FAF1: variants seen among roughly 807,000 people sequenced by gnomAD.
The protein encoded by FAF1 is Fas associated factor 1.
FAF1 carries 25 observed loss-of-function variants against 92.5 expected under a neutral mutation model. The observed-to-expected ratio is 0.27, with a 90% CI of 0.20 to 0.38. FAF1 has a LOEUF of 0.38. FAF1 is among the 10% of genes least tolerant of loss of function. FAF1 has a pLI of 1.00. For synonymous variants in FAF1, 234 were observed against 273.2 expected (o/e 0.86, Z 1.42); for missense variants, 636 against 793.3 (o/e 0.80, Z 2.38).
chr1:50,819,845 C>A (rs1328233182), intron 2 of FAF1, among the ~76,000 whole-genome samples: 5 of 139,886 alleles, frequency 3.6e-5, no homozygotes, highest in African/African-American at 5.3e-5. Flanking sequence ...TATTGTATAT[C>A]AGCTTCAGCA....
chr1:50,926,951 C>A (rs1475917618), intron 1 of FAF1, among the ~76,000 whole-genome samples: 1 of 152,190 alleles, frequency 6.6e-6, no homozygotes, highest in African/African-American at 2.4e-5. Context: ...GAAATTCTGA[C>A]ACATGCTATA....
intron 4 of FAF1, among the ~76,000 whole-genome samples, chr1:50,773,749 A>T (rs1424137726): frequency 6.6e-6 from 1 of 152,194 alleles, no homozygotes; most frequent in Non-Finnish European, 1.5e-5. Flanking sequence ...AGACAGAAGG[A>T]AAATATTCTG....
chr1:50,539,107 A>G (rs988217315), intron 14 of FAF1, among the ~76,000 whole-genome samples: 3 of 152,246 alleles, frequency 2.0e-5, no homozygotes, highest in Non-Finnish European at 2.9e-5. Context: ...ATTCACAGGC[A>G]TCCCACAGCT....
intron 8 of FAF1, among the ~76,000 whole-genome samples, chr1:50,606,400 G>T (rs547670183): frequency 6.6e-6 from 1 of 151,354 alleles, no homozygotes; most frequent in South Asian, 2.1e-4. Context: ...AAGAGAGAAG[G>T]GTTTCTTATC....
chr1:50,517,125 T>C lies in FAF1; in HGVS notation c.1494+18244A>G, dbSNP rs74082543. 6.7e-3 allele frequency among the ~76,000 whole-genome samples: 1,015 copies of C among 152,338 alleles called. 10 individuals are homozygous for C. Among genetic ancestry groups the C allele is most frequent in the African/African-American group, 0.023 (976 of 41,586 alleles). ...AGAATTTAAGGCAGTATTTTTCTAA[T>C]AAAAGTGCATGTACAAATTTTTTAA... On this transcript the variant is annotated intron_variant, in intron 15 of 18. Coordinates refer to ENST00000396153, the MANE Select transcript of FAF1 (RefSeq NM_007051.3).
At chr1:50,726,831 AAAAG>A (rs998396409) in intron 6 of FAF1, among the ~76,000 whole-genome samples, 8 of 152,338 alleles carry the variant, frequency 5.3e-5, no homozygotes, top group East Asian at 1.9e-4. Flanking sequence ...TCTGTCTCAA[AAAAG>A]AAAGAAAGAA....
intron 9 of FAF1, among the ~76,000 whole-genome samples, chr1:50,587,680 A>C (rs1332674723): frequency 6.6e-6 from 1 of 152,212 alleles, no homozygotes; most frequent in Non-Finnish European, 1.5e-5. Context: ...TTAACATTTA[A>C]CAAACATTTA....
chr1:50,579,447 G>A (rs1473218219), intron 12 of FAF1, among the ~76,000 whole-genome samples: 1 of 152,000 alleles, frequency 6.6e-6, no homozygotes, highest in Non-Finnish European at 1.5e-5. Context: ...CAAAGAATAA[G>A]TTGAAAAATA....
chr1:50,667,235 G>C (rs1655680538), intron 7 of FAF1, among the ~76,000 whole-genome samples: 1 of 152,108 alleles, frequency 6.6e-6, no homozygotes, highest in African/African-American at 2.4e-5. Flanking sequence ...AGTTACCAAG[G>C]CTCTTCCTCT....
intron 4 of FAF1, among the ~76,000 whole-genome samples, chr1:50,776,855 A>G (rs1264023717): frequency 6.6e-6 from 1 of 152,192 alleles, no homozygotes; most frequent in Non-Finnish European, 1.5e-5. Context: ...CAATACTACT[A>G]AAAATCCATA....
chr1:50,651,155 T>C (rs1434863026), intron 8 of FAF1, among the ~76,000 whole-genome samples: 1 of 152,194 alleles, frequency 6.6e-6, no homozygotes, highest in Non-Finnish European at 1.5e-5. Context: ...CTTTCTCCTG[T>C]TGGGTGAGTC....
chr1:50,761,053 C>T (rs1249028791), intron 4 of FAF1, among the ~76,000 whole-genome samples: 24 of 152,138 alleles, frequency 1.6e-4, no homozygotes, highest in African/African-American at 5.1e-4. Flanking sequence ...GAGAATACTA[C>T]AAACACCTCT....
chr1:50,928,782 CAAAAAAAAAA>C (rs1157426126), intron 1 of FAF1, among the ~76,000 whole-genome samples: 1 of 39,704 alleles, frequency 2.5e-5, no homozygotes, highest in African/African-American at 8.8e-5. Context: ...GACTCCACCT[CAAAAAAAAAA>C]AAAAAAAAAA....
At chr1:50,807,735 G>T (rs1557537376) in intron 2 of FAF1, among the ~76,000 whole-genome samples, 1 of 152,160 alleles carries the variant, frequency 6.6e-6, no homozygotes, top group East Asian at 1.9e-4. Context: ...AGAGATTCAA[G>T]AATAAACAAA....
intron 1 of FAF1, among the ~76,000 whole-genome samples, chr1:50,865,337 G>A (rs1644471182): frequency 6.6e-6 from 1 of 150,786 alleles, no homozygotes; most frequent in Non-Finnish European, 1.5e-5. Flanking sequence ...CCCATTACTG[G>A]GTATATACCC....
At chr1:50,680,448 C>T (rs528863507) in intron 7 of FAF1, among the ~76,000 whole-genome samples, 83 of 152,072 alleles carry the variant, frequency 5.5e-4, no homozygotes, top group African/African-American at 1.9e-3. Flanking sequence ...TTTGGGAGGC[C>T]GAGGCAGGCA....
intron 10 of FAF1, 84 bp downstream of exon 10, chr1:50,584,601 A>G: frequency 7.6e-7 from 1 of 1,323,972 alleles, no homozygotes; most frequent in Non-Finnish European, 1.0e-6. Flanking sequence ...TCAGTAAGAG[A>G]TGTTTAAGTT....
At chr1:50,814,355 T>C (rs1443612027) in intron 2 of FAF1, among the ~76,000 whole-genome samples, 4 of 152,152 alleles carry the variant, frequency 2.6e-5, no homozygotes, top group African/African-American at 9.7e-5. Flanking sequence ...ATTACTAATA[T>C]TATACCCAAT....
chr1:50,790,168 T>C (rs545110588), intron 3 of FAF1, among the ~76,000 whole-genome samples: 1 of 152,264 alleles, frequency 6.6e-6, no homozygotes, highest in South Asian at 2.1e-4. Flanking sequence ...GTTTGTTTTT[T>C]TGAGACACTG....
Sources: allele counts gnomAD v4.1 joint callset (sites outside exome capture counted in the v4.1 genomes callset), GRCh38; gene constraint gnomAD v4.1.1; transcripts MANE v1.5; gene names NCBI Gene and HGNC (gene_info 2026-07-23, HGNC 2026-07-21).